OTUD7A: variants seen among roughly 807,000 people sequenced by gnomAD.
OTUD7A encodes OTU domain-containing protein 7A.
OTUD7A carries 12 observed loss-of-function variants against 65.7 expected under a neutral mutation model. The ratio of observed to expected loss-of-function variants is 0.18; its 90% confidence interval spans 0.12 to 0.30. OTUD7A has a LOEUF of 0.30. Ranked by LOEUF, OTUD7A falls within the 10% of genes least tolerant of loss-of-function variation. OTUD7A has a pLI of 1.00. For synonymous variants in OTUD7A, 641 were observed against 586.3 expected (o/e 1.09, Z -1.35); for missense variants, 1,148 against 1,304.8 (o/e 0.88, Z 1.85).
At chr15:31,610,608 TATA>T (rs1566942808) in intron 3 of OTUD7A, among the ~76,000 whole-genome samples, 14 of 48,952 alleles carry the variant, frequency 2.9e-4, no homozygotes, top group Non-Finnish European at 4.5e-4. Context: ...TATATATATA[TATA>T]TATATATTTT....
chr15:31,629,760 A>C (rs973910146), intron 3 of OTUD7A, among the ~76,000 whole-genome samples: 2 of 152,118 alleles, frequency 1.3e-5, no homozygotes, highest in Non-Finnish European at 2.9e-5. Context: ...ATTATTGCTA[A>C]AATTTCAGAG....
chr15:31,836,295 A>G (rs1207555774), intron 1 of OTUD7A, among the ~76,000 whole-genome samples: 2 of 152,216 alleles, frequency 1.3e-5, no homozygotes, highest in Non-Finnish European at 2.9e-5. Context: ...AATTATCCCC[A>G]GGGCAGGCCA....
At chr15:31,485,324 T>A (rs1026881713) in intron 12 of OTUD7A, among the ~76,000 whole-genome samples, 2 of 152,204 alleles carry the variant, frequency 1.3e-5, no homozygotes, top group Non-Finnish European at 2.9e-5. Flanking sequence ...GGATCTTGGA[T>A]CAAACACCCC....
intron 4 of OTUD7A, 113 bp downstream of exon 4, chr15:31,569,905 T>A: frequency 8.8e-7 from 1 of 1,139,102 alleles, no homozygotes. Flanking sequence ...GAGGCCAATA[T>A]GTCTGCATCC....
intron 1 of OTUD7A, among the ~76,000 whole-genome samples, chr15:31,774,317 C>T (rs927679218): frequency 6.6e-6 from 1 of 152,266 alleles, no homozygotes; most frequent in African/African-American, 2.4e-5. Flanking sequence ...ACCAGCCCTG[C>T]GATCACCCTG....
intron 8 of OTUD7A, among the ~76,000 whole-genome samples, chr15:31,514,580 C>T (rs1394086419): frequency 2.0e-5 from 3 of 152,252 alleles, no homozygotes; most frequent in African/African-American, 7.2e-5. Context: ...ACTTTCTTCA[C>T]TTACTTTCAG....
chr15:31,789,140 T>G (rs1481353195), intron 1 of OTUD7A, among the ~76,000 whole-genome samples: 1 of 152,190 alleles, frequency 6.6e-6, no homozygotes, highest in South Asian at 2.1e-4. Context: ...GTAAGTGCTA[T>G]GTAATAGACA....
intron 1 of OTUD7A, among the ~76,000 whole-genome samples, chr15:31,819,683 A>G (rs891844076): frequency 2.6e-5 from 4 of 152,144 alleles, no homozygotes; most frequent in Admixed American, 6.5e-5. Context: ...TTATACAAAC[A>G]TATATGCTTA....
chr15:31,792,316 G>T (rs969388546), intron 1 of OTUD7A, among the ~76,000 whole-genome samples: 2 of 152,052 alleles, frequency 1.3e-5, no homozygotes, highest in African/African-American at 4.8e-5. Context: ...CACAGAAACC[G>T]GATGCCATCA....
intron 1 of OTUD7A, among the ~76,000 whole-genome samples, chr15:31,821,724 T>C (rs1015847058): frequency 1.3e-5 from 2 of 152,220 alleles, no homozygotes; most frequent in African/African-American, 2.4e-5. Context: ...CATTTTATAT[T>C]CCCACCAGAA....
chr15:31,737,891 C>G (rs1894235701), intron 1 of OTUD7A, among the ~76,000 whole-genome samples: 2 of 152,184 alleles, frequency 1.3e-5, no homozygotes, highest in African/African-American at 4.8e-5. Flanking sequence ...GAATCATGGA[C>G]AGTCACTGGT....
At chr15:31,637,753 T>C (rs1891386328) in intron 3 of OTUD7A, among the ~76,000 whole-genome samples, 1 of 152,186 alleles carries the variant, frequency 6.6e-6, no homozygotes. Context: ...CTCTCATGGA[T>C]GACTTTGTGG....
At chr15:31,574,151 T>G (rs1284202060) in intron 3 of OTUD7A, among the ~76,000 whole-genome samples, 2 of 152,170 alleles carry the variant, frequency 1.3e-5, no homozygotes. Flanking sequence ...GGCAAACTTA[T>G]ATAACCACTA....
intron 1 of OTUD7A, among the ~76,000 whole-genome samples, chr15:31,836,541 G>T (rs192477865): frequency 2.0e-5 from 3 of 152,242 alleles, no homozygotes; most frequent in Admixed American, 2.0e-4. Flanking sequence ...ATACCAAAGA[G>T]AGTACAGAAA....
chr15:31,619,843 C>G (rs200755444), intron 3 of OTUD7A, among the ~76,000 whole-genome samples: 1 of 152,168 alleles, frequency 6.6e-6, no homozygotes, highest in South Asian at 2.1e-4. Flanking sequence ...CCTGTCTGTG[C>G]CAGTTTTCAA....
chr15:31,492,328 C>T (rs2041327573), intron 10 of OTUD7A, among the ~76,000 whole-genome samples: 1 of 152,130 alleles, frequency 6.6e-6, no homozygotes, highest in African/African-American at 2.4e-5. Flanking sequence ...CCTGTAATTC[C>T]AACACTTTGG....
intron 1 of OTUD7A, among the ~76,000 whole-genome samples, chr15:31,782,341 A>G (rs954429005): frequency 6.6e-6 from 1 of 152,226 alleles, no homozygotes; most frequent in African/African-American, 2.4e-5. Context: ...AGAAGAGCAT[A>G]ACCAGTCCTG....
intron 9 of OTUD7A, among the ~76,000 whole-genome samples, chr15:31,502,874 A>T (rs1296972751): frequency 1.3e-5 from 2 of 152,178 alleles, no homozygotes; most frequent in African/African-American, 4.8e-5. Flanking sequence ...TGGCTACATA[A>T]CCATCGTGGC....
chr15:31,549,180 G>A (rs1888236719), intron 5 of OTUD7A, among the ~76,000 whole-genome samples: 1 of 150,350 alleles, frequency 6.7e-6, no homozygotes, highest in South Asian at 2.1e-4. Flanking sequence ...CCAAATGCAT[G>A]CCTGCCTCTA....
Sources: gnomAD v4.1 joint callset for allele counts (sites outside exome capture counted in the v4.1 genomes callset) on GRCh38, gnomAD v4.1.1 for gene constraint, MANE v1.5 for transcripts, NCBI Gene and HGNC (gene_info 2026-07-23, HGNC 2026-07-21) for gene names.